Variants in KCNQ5 observed in about 807,000 individuals in gnomAD.
KCNQ5 encodes the protein potassium voltage-gated channel subfamily KQT member 5.
In KCNQ5, 30 loss-of-function variants were observed where a neutral mutation model predicts 98.2. The ratio of observed to expected loss-of-function variants is 0.31; its 90% CI spans 0.23 to 0.41. The LOEUF is 0.41. KCNQ5 is among the 10% of genes least tolerant of loss of function. The probability of loss-of-function intolerance (pLI) is 1.00; values close to 1 mark genes in which losing one functional copy is unlikely to be tolerated. For synonymous variants in KCNQ5, 458 were observed against 449.4 expected (o/e 1.02, Z -0.24); for missense variants, 835 against 1,182.5 (o/e 0.71, Z 4.31).
intron 2 of KCNQ5, among the ~76,000 whole-genome samples, chr6:73,005,314 G>A (rs1769767090): frequency 6.6e-6 from 1 of 152,156 alleles, no homozygotes; most frequent in South Asian, 2.1e-4. Context: ...TGAGCCCAAG[G>A]GCTAAGGTAT....
At chr6:73,095,746 T>C (rs531534711) in intron 5 of KCNQ5, among the ~76,000 whole-genome samples, 395 of 152,258 alleles carry the variant, frequency 2.6e-3, no homozygotes, top group African/African-American at 9.0e-3. Context: ...GCACTGGGGA[T>C]TGTCTACAGA....
intron 1 of KCNQ5, among the ~76,000 whole-genome samples, chr6:72,892,368 C>T (rs1779090724): frequency 6.6e-6 from 1 of 152,120 alleles, no homozygotes; most frequent in Admixed American, 6.5e-5. Flanking sequence ...TTTGTAGTGC[C>T]TCAATTGGTC....
intron 3 of KCNQ5, among the ~76,000 whole-genome samples, chr6:73,068,707 A>G (rs1470910963): frequency 6.6e-6 from 1 of 152,218 alleles, no homozygotes; most frequent in Non-Finnish European, 1.5e-5. Flanking sequence ...GGGATATAGC[A>G]TGTTGTTTTT....
chr6:72,655,734 A>G (rs1766157444), intron 1 of KCNQ5, among the ~76,000 whole-genome samples: 1 of 152,182 alleles, frequency 6.6e-6, no homozygotes, highest in Non-Finnish European at 1.5e-5. Flanking sequence ...GATTGATTCA[A>G]TAGGCAATGA....
intron 10 of KCNQ5, among the ~76,000 whole-genome samples, chr6:73,148,728 C>T (rs1005670124): frequency 4.4e-4 from 67 of 152,270 alleles, no homozygotes; most frequent in African/African-American, 1.4e-3. Context: ...AGATGATGTT[C>T]TATTTCTGAT....
At chr6:72,830,223 G>GA (rs1776188599) in intron 1 of KCNQ5, among the ~76,000 whole-genome samples, 3 of 152,108 alleles carry the variant, frequency 2.0e-5, no homozygotes, top group South Asian at 2.1e-4. Flanking sequence ...CACAGAATTG[G>GA]AAAAAACTAC....
intron 1 of KCNQ5, among the ~76,000 whole-genome samples, chr6:72,927,331 A>G (rs976280883): frequency 6.6e-6 from 1 of 152,138 alleles, no homozygotes; most frequent in African/African-American, 2.4e-5. Flanking sequence ...TTTTTCAGAA[A>G]ATATGACTTG....
intron 2 of KCNQ5, among the ~76,000 whole-genome samples, chr6:73,023,220 G>A (rs1770690214): frequency 6.6e-6 from 1 of 152,164 alleles, no homozygotes; most frequent in Admixed American, 6.5e-5. Flanking sequence ...TGAGGTGAGA[G>A]GCTGGAGGTG....
intron 1 of KCNQ5, among the ~76,000 whole-genome samples, chr6:72,918,480 T>G (rs1271661259): frequency 6.6e-6 from 1 of 151,824 alleles, no homozygotes; most frequent in Non-Finnish European, 1.5e-5. Context: ...CTCAAGATCA[T>G]GAGAGAGAGG....
chr6:72,865,409 T>C (rs1054550093), intron 1 of KCNQ5, among the ~76,000 whole-genome samples: 3 of 152,158 alleles, frequency 2.0e-5, no homozygotes, highest in African/African-American at 7.2e-5. Context: ...CCAGCATAAT[T>C]AAAGGAACTA....
chr6:72,748,466 A>G (rs1771514958), intron 1 of KCNQ5, among the ~76,000 whole-genome samples: 1 of 152,102 alleles, frequency 6.6e-6, no homozygotes, highest in South Asian at 2.1e-4. Flanking sequence ...CATGTTAACA[A>G]AATTCTCAAG....
At chr6:73,079,539 G>A (rs577291157) in intron 5 of KCNQ5, among the ~76,000 whole-genome samples, 6 of 152,232 alleles carry the variant, frequency 3.9e-5, no homozygotes, top group African/African-American at 7.2e-5. Flanking sequence ...TGTTGTATTT[G>A]TTGATTGCAT....
At chr6:73,095,481 G>T (rs770681184) in intron 5 of KCNQ5, among the ~76,000 whole-genome samples, 47 of 152,036 alleles carry the variant, frequency 3.1e-4, no homozygotes, top group Non-Finnish European at 5.0e-4. Flanking sequence ...GTGATTTTTT[G>T]GGAGTTGTAA....
intron 1 of KCNQ5, among the ~76,000 whole-genome samples, chr6:72,969,470 G>A (rs1767769441): frequency 6.6e-6 from 1 of 152,186 alleles, no homozygotes. Context: ...TCAGTCATTA[G>A]TTAGTGGTGC....
intron 1 of KCNQ5, among the ~76,000 whole-genome samples, chr6:72,825,502 G>A (rs1459672206): frequency 6.6e-6 from 1 of 152,202 alleles, no homozygotes; most frequent in Non-Finnish European, 1.5e-5. Flanking sequence ...CTGGAACTGG[G>A]AACAGGAACA....
chr6:72,857,507 AAGTT>A (rs1777582923), intron 1 of KCNQ5, among the ~76,000 whole-genome samples: 1 of 152,210 alleles, frequency 6.6e-6, no homozygotes, highest in Non-Finnish European at 1.5e-5. Context: ...CATACAAAAC[AAGTT>A]TACAGGATGA....
chr6:72,869,079 C>G (rs1711739144), intron 1 of KCNQ5, among the ~76,000 whole-genome samples: 1 of 152,084 alleles, frequency 6.6e-6, no homozygotes, highest in African/African-American at 2.4e-5. Context: ...ATGCCTGTAT[C>G]AAAACATCAC....
Position 72,865,105 on chromosome 6 carries a change from C to G in KCNQ5, c.399-138803C>G, listed in dbSNP as rs145336432. ...CTTTGGAGTTAGATATCATAATCCT[C>G]ACTTGGAAAATGAGGAACTTGAAGT... On this transcript the variant is annotated intron_variant, in intron 1 of 13. Coordinates refer to ENST00000370398, the MANE Select transcript of KCNQ5 (RefSeq NM_019842.4). Among the ~76,000 whole-genome samples the G allele has an allele frequency of 5.5e-4, 84 of 152,264 alleles. 1 individual carries two copies. The East Asian group carries it at 0.014, about 26-fold the overall frequency.
chr6:73,178,024 A>G (rs1393917787), intron 11 of KCNQ5, among the ~76,000 whole-genome samples: 1 of 152,094 alleles, frequency 6.6e-6, no homozygotes, highest in Non-Finnish European at 1.5e-5. Context: ...AAAATATAGA[A>G]TCTCCTATTC....
Sources: gnomAD v4.1 joint callset for allele counts (sites outside exome capture counted in the v4.1 genomes callset) on GRCh38, gnomAD v4.1.1 for gene constraint, MANE v1.5 for transcripts, NCBI Gene and HGNC (gene_info 2026-07-23, HGNC 2026-07-21) for gene names.